The following KCNIP4 variants were observed in gnomAD, a reference collection of about 807,000 sequenced individuals.
The protein encoded by KCNIP4 is potassium voltage-gated channel interacting protein 4.
Under a neutral mutation model 34.0 loss-of-function variants are expected in KCNIP4, and 12 were observed. The observed-to-expected ratio is 0.35, with a 90% confidence interval of 0.23 to 0.57. The LOEUF (loss-of-function observed/expected upper bound fraction) is 0.57, where lower values mean the gene tolerates loss of function less well. Ranked by LOEUF, KCNIP4 falls within the 20% of genes least tolerant of loss-of-function variation. KCNIP4 has a pLI of 0.83. For missense variants in KCNIP4, 238 were observed against 311.7 expected (o/e 0.76, Z 1.78); for synonymous variants, 124 against 102.2 (o/e 1.21, Z -1.29).
intron 1 of KCNIP4, among the ~76,000 whole-genome samples, chr4:21,831,039 A>T (rs1187461840): frequency 1.3e-5 from 2 of 152,188 alleles, no homozygotes; most frequent in Admixed American, 1.3e-4. Context: ...AAATTAAACA[A>T]CATGCTCCCG....
intron 1 of KCNIP4, among the ~76,000 whole-genome samples, chr4:21,897,265 T>C (rs1727447110): frequency 6.6e-6 from 1 of 152,170 alleles, no homozygotes; most frequent in South Asian, 2.1e-4. Context: ...TTTTTCCTTT[T>C]TGCCTATGTT....
At chr4:21,702,458 T>C (rs1351911777) in intron 1 of KCNIP4, among the ~76,000 whole-genome samples, 8 of 152,146 alleles carry the variant, frequency 5.3e-5, no homozygotes, top group Non-Finnish European at 1.2e-4. Context: ...AAGAGAAGAA[T>C]ACTACAAACA....
chr4:21,715,219 T>TA (rs1560657763), intron 1 of KCNIP4, among the ~76,000 whole-genome samples: 1 of 151,570 alleles, frequency 6.6e-6, no homozygotes, highest in Non-Finnish European at 1.5e-5. Flanking sequence ...TACCTGGGAC[T>TA]ACACCAGGTT....
chr4:21,880,031 G>A (rs1416520895), intron 1 of KCNIP4, among the ~76,000 whole-genome samples: 1 of 152,112 alleles, frequency 6.6e-6, no homozygotes, highest in Non-Finnish European at 1.5e-5. Context: ...CCCTGCAAAA[G>A]TGTGAGTCAA....
At chr4:21,496,711 G>T (rs927836671) in intron 1 of KCNIP4, among the ~76,000 whole-genome samples, 1 of 152,310 alleles carries the variant, frequency 6.6e-6, no homozygotes, top group African/African-American at 2.4e-5. Context: ...GTGAGCGACT[G>T]GTGAGCAGGC....
At chr4:21,405,555 T>C (rs1723912689) in intron 1 of KCNIP4, among the ~76,000 whole-genome samples, 2 of 152,330 alleles carry the variant, frequency 1.3e-5, no homozygotes, top group African/African-American at 4.8e-5. Context: ...CAGAAGTGAC[T>C]ATGTGCCACT....
chr4:21,109,739 T>A (rs536741910), intron 1 of KCNIP4, among the ~76,000 whole-genome samples: 1 of 152,214 alleles, frequency 6.6e-6, no homozygotes. Flanking sequence ...TATTTGGCCA[T>A]CTTGGCTGCC....
intron 1 of KCNIP4, among the ~76,000 whole-genome samples, chr4:21,291,598 C>G (rs1034112636): frequency 1.3e-5 from 2 of 151,798 alleles, no homozygotes; most frequent in African/African-American, 4.8e-5. Context: ...GCCTGTAATC[C>G]CAGCACTTTG....
intron 1 of KCNIP4, among the ~76,000 whole-genome samples, chr4:21,206,399 T>A (rs1756855967): frequency 6.6e-6 from 1 of 152,206 alleles, no homozygotes. Flanking sequence ...GAGACACTTT[T>A]GTTTCTAATA....
At chr4:21,334,713 G>A (rs990709856) in intron 1 of KCNIP4, among the ~76,000 whole-genome samples, 3 of 151,908 alleles carry the variant, frequency 2.0e-5, no homozygotes, top group South Asian at 2.1e-4. Flanking sequence ...TCTACATTCT[G>A]TCTCTGTAGA....
intron 1 of KCNIP4, among the ~76,000 whole-genome samples, chr4:21,193,598 G>T (rs1326997394): frequency 1.8e-5 from 2 of 111,624 alleles, no homozygotes; most frequent in Admixed American, 9.0e-5. Flanking sequence ...TTTTGAGACG[G>T]AGTCTCACTC....
At chr4:20,863,955 C>G (rs1255594602) in intron 2 of KCNIP4, among the ~76,000 whole-genome samples, 1 of 150,114 alleles carries the variant, frequency 6.7e-6, no homozygotes, top group Non-Finnish European at 1.5e-5. Context: ...TATATATACA[C>G]ACACACATAC....
intron 1 of KCNIP4, among the ~76,000 whole-genome samples, chr4:21,268,371 A>G (rs1761945791): frequency 6.6e-6 from 1 of 152,226 alleles, no homozygotes; most frequent in Non-Finnish European, 1.5e-5. Context: ...AGAGGCCTTT[A>G]ATATCAAACA....
chr4:21,305,577 C>G (rs180708528), intron 1 of KCNIP4, among the ~76,000 whole-genome samples: 1 of 152,328 alleles, frequency 6.6e-6, no homozygotes. Flanking sequence ...CAGAAACCTT[C>G]CATGGCTCCC....
intron 1 of KCNIP4, among the ~76,000 whole-genome samples, chr4:20,939,879 C>G (rs189957431): frequency 6.6e-6 from 1 of 152,172 alleles, no homozygotes; most frequent in Non-Finnish European, 1.5e-5. Context: ...AGACCAGTAT[C>G]CTGGTCCAAG....
chr4:21,475,924 A>C (rs963486218), intron 1 of KCNIP4, among the ~76,000 whole-genome samples: 5 of 152,166 alleles, frequency 3.3e-5, no homozygotes, highest in Non-Finnish European at 2.9e-5. Context: ...CATGAAGAGC[A>C]CCTTTTTTTC....
At chr4:21,871,264 ACCTCCCCC>A (rs1560777505) in intron 1 of KCNIP4, among the ~76,000 whole-genome samples, 1 of 22,382 alleles carries the variant, frequency 4.5e-5, no homozygotes, top group Non-Finnish European at 8.5e-5. Context: ...CCCGCTCCCC[ACCTCCCCC>A]CACCCCACAA....
chr4:21,081,172 T>C (rs1465302593), intron 1 of KCNIP4, among the ~76,000 whole-genome samples: 1 of 151,898 alleles, frequency 6.6e-6, no homozygotes, highest in Non-Finnish European at 1.5e-5. Context: ...GGAATGAACA[T>C]TTCTGAACTT....
intron 1 of KCNIP4, among the ~76,000 whole-genome samples, chr4:21,826,702 A>G (rs1722696774): frequency 6.6e-6 from 1 of 152,146 alleles, no homozygotes; most frequent in African/African-American, 2.4e-5. Context: ...TTACTCTCCT[A>G]AAACCCAAAT....
Sources: gnomAD v4.1 joint callset for allele counts (sites outside exome capture counted in the v4.1 genomes callset) on GRCh38, gnomAD v4.1.1 for gene constraint, MANE v1.5 for transcripts, NCBI Gene and HGNC (gene_info 2026-07-23, HGNC 2026-07-21) for gene names.